The following SLC35E1 variants were observed in gnomAD, a reference collection of about 807,000 sequenced individuals.
SLC35E1 encodes solute carrier family 35 member E1, also known as solute carrier family 35, member E1.
Under a neutral mutation model 31.0 loss-of-function variants are expected in SLC35E1, and 12 were observed. The ratio of observed to expected loss-of-function variants is 0.39; its 90% CI spans 0.25 to 0.63. The LOEUF is 0.63. Among genes scored for constraint, SLC35E1 ranks in the 20% least tolerant of loss-of-function variants. The pLI is 0.52. For synonymous variants in SLC35E1, 257 were observed against 264.1 expected (o/e 0.97, Z 0.26); for missense variants, 429 against 572.2 (o/e 0.75, Z 2.55).
intron 2 of SLC35E1, among the ~76,000 whole-genome samples, chr19:16,569,431 G>A (rs987091487): frequency 6.6e-6 from 1 of 152,182 alleles, no homozygotes; most frequent in Non-Finnish European, 1.5e-5. Context: ...GCACTCAATA[G>A]CTGCTAGCTG....
chr19:16,566,373 G>A lies in SLC35E1; in HGVS notation c.756+159C>T, dbSNP rs943728371. 36 of 913,690 alleles carry A rather than the reference G, an allele frequency of 3.9e-5. No individual in the cohort carries two copies. The African/African-American group carries it at 4.4e-4, about 11-fold the overall frequency. 56.6% of individuals were successfully genotyped at this position (913,690 alleles called of 1,614,324 possible). A position where few individuals can be genotyped will look rare whatever the true frequency, so the allele number is the denominator to read the frequency against. The stretch of plus-strand genomic sequence containing the variant: ...ACCCACTTCCTCGATGGCGTGCATC[G>A]TCACCGTGAGGCATTACAGAGGACT... On this transcript the variant is annotated intron_variant, in intron 4 of 5. Transcript: ENST00000595753.
intron 4 of SLC35E1, among the ~76,000 whole-genome samples, chr19:16,559,461 A>AACAC (rs1297259187): frequency 1.4e-5 from 1 of 74,002 alleles, no homozygotes; most frequent in African/African-American, 8.8e-5. Flanking sequence ...TTCTACAAAA[A>AACAC]ATACACACAC....
intron 4 of SLC35E1, chr19:16,565,366 A>T (rs1401438151): frequency 1.6e-4 from 52 of 319,184 alleles, no homozygotes; most frequent in Middle Eastern, 1.2e-3. Context: ...GTGCACCACC[A>T]CGCCTGGCTA....
In SLC35E1 at chr19:16,553,791, A is replaced by T; in HGVS notation, c.1121T>A (p.Phe374Tyr). Reference protein sequence around the residue: ...PLEKPHNGLLFPQHGDYQYGR... With the variant: ...PLEKPHNGLLYPQHGDYQYGR... ...GTACTGATAGTCCCCGTGCTGGGGG[A>T]AGAGGAGGCCGTTGTGGGGCTTCTC... is the stretch of plus-strand genomic sequence containing the variant. Residue 374 changes from phenylalanine (F) to tyrosine (Y), a missense_variant, in exon 6 of 6, where the codon TTC (phenylalanine) becomes TAC (tyrosine). Phe to Tyr is a conservative substitution (Grantham distance 22). Coordinates refer to ENST00000595753, the MANE Select transcript of SLC35E1 (RefSeq NM_024881.5). 2 of 1,613,740 alleles carry T rather than the reference A, an allele frequency of 1.2e-6. No individual in the cohort carries two copies. Among genetic ancestry groups the T allele is most frequent in the South Asian group, 2.2e-5 (2 of 91,048 alleles).
At chr19:16,569,829 G>C (rs1268818908) in intron 2 of SLC35E1, among the ~76,000 whole-genome samples, 1 of 152,198 alleles carries the variant, frequency 6.6e-6, no homozygotes, top group Admixed American at 6.5e-5. Flanking sequence ...GGGCAACAGA[G>C]GGAGACTCCG....
intron 4 of SLC35E1, among the ~76,000 whole-genome samples, chr19:16,563,588 A>G (rs566568790): frequency 2.7e-4 from 41 of 152,230 alleles, no homozygotes; most frequent in African/African-American, 9.2e-4. Context: ...ATCTCAGCTC[A>G]CTGCAACCTC....
At chr19:16,571,606 C>A in intron 1 of SLC35E1, 24 bp from the exon 2 acceptor site, 1 of 1,612,906 alleles carries the variant, frequency 6.2e-7, no homozygotes, top group South Asian at 1.1e-5. Context: ...GATGGGCACT[C>A]AGGGGGCTGC....
Position 16,571,996 on chromosome 19 carries a change from G to T in SLC35E1, c.369C>A (p.Ser123=). ...TCCAGATGCTGACGTGCGCTGACAC[G>T]GACGCGAAGTACTTGCCGAAGGCGA... is the stretch of plus-strand genomic sequence containing the variant. The part of the protein sequence containing the change: ...LPLAFGKYFA[S]VSAHVSIWKV... Residue 123 remains serine (S), a synonymous_variant, in exon 1 of 6, where the codon TCC becomes TCA. Transcript: ENST00000595753. 1 of 1,546,954 alleles carries T rather than the reference G, an allele frequency of 6.5e-7. No individual in the cohort carries two copies. The highest frequency in any genetic ancestry group is 8.7e-7 in the Non-Finnish European group (1 of 1,145,540).
At chr19:16,570,580 A>G (rs1480675693) in intron 2 of SLC35E1, among the ~76,000 whole-genome samples, 1 of 152,180 alleles carries the variant, frequency 6.6e-6, no homozygotes, top group African/African-American at 2.4e-5. Context: ...CAAGCCAGGA[A>G]ATACCCTGGC....
In SLC35E1 at chr19:16,550,875, T is replaced by C. The variant is rs1359419656; in HGVS notation, c.*2804A>G. 2 of 152,202 alleles carry C rather than the reference T, an allele frequency of 1.3e-5. No homozygotes were observed. The highest frequency in any genetic ancestry group is 4.8e-5 in the African/African-American group (2 of 41,448). The allele number at this position is 152,202 out of a possible 1,614,324, so 9.4% of individuals were successfully genotyped here. A position where few individuals can be genotyped will look rare whatever the true frequency, so the allele number is the denominator to read the frequency against. On this transcript the variant is annotated 3_prime_UTR_variant, in exon 6 of 6. Transcript: ENST00000595753. ...TTTATATACAGAATTAAATAGCCCA[T>C]TTATTAATTTATAAACCATAATAAA...
chr19:16,567,725 T>C (rs1323768801), intron 3 of SLC35E1, among the ~76,000 whole-genome samples: 2 of 152,106 alleles, frequency 1.3e-5, no homozygotes, highest in Non-Finnish European at 2.9e-5. Flanking sequence ...GGCTAATTTT[T>C]ATGTTTTTAG....
intron 2 of SLC35E1, among the ~76,000 whole-genome samples, chr19:16,568,764 C>T (rs1404848759): frequency 6.6e-6 from 1 of 152,160 alleles, no homozygotes; most frequent in Non-Finnish European, 1.5e-5. Context: ...AACGCCTGAT[C>T]CACGTCATCC....
chr19:16,561,244 G>GAAAGA (rs1555697406), intron 4 of SLC35E1, among the ~76,000 whole-genome samples: 9,890 of 70,924 alleles, frequency 0.14, 480 homozygotes, highest in African/African-American at 0.21. Context: ...AAAAAAAAAA[G>GAAAGA]AAAGAAAAGA....
intron 3 of SLC35E1, among the ~76,000 whole-genome samples, chr19:16,566,874 A>G (rs755048480): frequency 6.6e-6 from 1 of 152,198 alleles, no homozygotes; most frequent in Non-Finnish European, 1.5e-5. Flanking sequence ...AACAAAAATA[A>G]AACAGTAACA....
Position 16,568,068 on chromosome 19 carries a change from C to T in SLC35E1, c.594G>A (p.Thr198=), listed in dbSNP as rs750660715. 17 of 1,613,400 alleles carry T rather than the reference C, an allele frequency of 1.1e-5. No homozygotes were observed. Among genetic ancestry groups the T allele is most frequent in the Middle Eastern group, 1.6e-4 (1 of 6,076 alleles). Residue 198 remains threonine (T), a synonymous_variant, in exon 3 of 6, where the codon ACG becomes ACA. Coordinates refer to ENST00000595753, the MANE Select transcript of SLC35E1 (RefSeq NM_024881.5). ...MWGLVSALAA[T]LCFSLQNIFS... Reference sequence around the variant, plus strand: ...AAATGTTCTGAAGCGAGAAGCACAGCGTGGCGGCGAGGGCGCTGACGAGTC... The same window carrying T: ...AAATGTTCTGAAGCGAGAAGCACAGTGTGGCGGCGAGGGCGCTGACGAGTC...
At chr19:16,561,003 A>T (rs546705080) in intron 4 of SLC35E1, among the ~76,000 whole-genome samples, 17 of 150,188 alleles carry the variant, frequency 1.1e-4, no homozygotes, top group Non-Finnish European at 2.4e-4. Context: ...GGAGTTCAAG[A>T]CCAGCCTGGC....
Position 16,553,707 on chromosome 19 carries a change from G to A in SLC35E1, c.1205C>T (p.Ser402Leu), listed in dbSNP as rs867649677. Reference sequence around the variant, plus strand: ...CACATCATAGCGGTTCAAACTGTACGAGTTTGGGTAGCTCTGCCGGCTGTA... The same window carrying A: ...CACATCATAGCGGTTCAAACTGTACAAGTTTGGGTAGCTCTGCCGGCTGTA... ...FQYSRQSYPNSYSLNRYDV is the reference protein window; with the variant it reads ...FQYSRQSYPNLYSLNRYDV Residue 402 changes from serine to leucine, a missense_variant, in exon 6 of 6, where the codon TCG becomes TTG. Ser to Leu is a moderately radical substitution (Grantham distance 145). Coordinates refer to ENST00000595753, the MANE Select transcript of SLC35E1 (RefSeq NM_024881.5). 7.6e-6 allele frequency: 12 copies of A among 1,586,894 alleles called. No homozygotes were observed. The highest frequency in any genetic ancestry group is 1.1e-5 in the South Asian group (1 of 87,168).
At chr19:16,554,747 G>A (rs2085866280) in intron 5 of SLC35E1, among the ~76,000 whole-genome samples, 1 of 151,642 alleles carries the variant, frequency 6.6e-6, no homozygotes, top group Non-Finnish European at 1.5e-5. Context: ...GACCCCGGGA[G>A]GCGGAGGTTG....
chr19:16,555,672 C>T lies in SLC35E1; in HGVS notation c.757-275G>A, dbSNP rs73514953. 606 of 427,728 alleles carry T rather than the reference C, an allele frequency of 1.4e-3. 3 individuals carry two copies. Among genetic ancestry groups the T allele is most frequent in the African/African-American group, 0.011 (575 of 50,454 alleles). 26.5% of individuals were successfully genotyped at this position (427,728 alleles called of 1,614,324 possible). A position where few individuals can be genotyped will look rare whatever the true frequency, so the allele number is the denominator to read the frequency against. On this transcript the variant is annotated intron_variant, in intron 4 of 5. Transcript: ENST00000595753. This position sits in a 1 kb window ranked among gnomAD's most constrained non-coding sequence, Gnocchi z 4.1. ...GGTCCCCAAAGGGCACCAAGCAAGA[C>T]GTAAGCCAAAGCCTTCCCTGGCAGT... is the stretch of plus-strand genomic sequence containing the variant.
Sources: allele counts gnomAD v4.1 joint callset (sites outside exome capture counted in the v4.1 genomes callset), GRCh38; gene constraint gnomAD v4.1.1; non-coding constraint Gnocchi (gnomAD v3.1); transcripts MANE v1.5; gene names NCBI Gene and HGNC (gene_info 2026-07-23, HGNC 2026-07-21).